Variants in MEGF11 observed in about 807,000 individuals in gnomAD.
MEGF11 encodes the protein multiple epidermal growth factor-like domains protein 11.
A neutral mutation model predicts 146.6 loss-of-function variants in MEGF11; 126 were observed. The ratio of observed to expected loss-of-function variants is 0.86; its 90% confidence interval spans 0.74 to 1.00. MEGF11 has a LOEUF of 1.00. Ranked by LOEUF, MEGF11 falls within the 50% of genes least tolerant of loss-of-function variation. MEGF11 has a pLI of 0.00. For synonymous variants in MEGF11, 532 were observed against 583.4 expected (o/e 0.91, Z 1.27); for missense variants, 1,509 against 1,521.2 (o/e 0.99, Z 0.13).
chr15:66,117,505 C>T lies in MEGF11; in HGVS notation c.301+1581G>A, dbSNP rs1210952182. ...CTTCATTTTCCAAGAGCTTTGCCAC[C>T]GTTCACTAATGGAAATTAGAAAGGA... On this transcript the variant is annotated intron_variant, in intron 4 of 25. Coordinates refer to ENST00000395614, the MANE Select transcript of MEGF11 (RefSeq NM_001385028.1). Among the ~76,000 whole-genome samples, 7 of 152,260 alleles carry T rather than the reference C, an allele frequency of 4.6e-5. No individual in the cohort carries two copies. The East Asian group carries it at 5.8e-4, about 13-fold the overall frequency.
intron 10 of MEGF11, among the ~76,000 whole-genome samples, chr15:65,954,088 T>C (rs971173569): frequency 2.0e-5 from 3 of 152,044 alleles, no homozygotes; most frequent in South Asian, 2.1e-4. Context: ...ATCGTTCAGA[T>C]AGGGAAATGG....
intron 4 of MEGF11, among the ~76,000 whole-genome samples, chr15:66,109,394 C>T (rs536228549): frequency 6.6e-6 from 1 of 152,308 alleles, no homozygotes; most frequent in East Asian, 1.9e-4. Flanking sequence ...GCTCATGCTG[C>T]CCCTCTGCCA....
intron 7 of MEGF11, chr15:65,971,248 TCTG>T (rs989585163): frequency 6.5e-6 from 1 of 153,542 alleles, no homozygotes; most frequent in African/African-American, 2.4e-5. Flanking sequence ...TGCTTTGGTT[TCTG>T]CTTCCTGGGC....
chr15:65,924,203 C>T (rs2079279155), intron 13 of MEGF11, among the ~76,000 whole-genome samples: 1 of 151,876 alleles, frequency 6.6e-6, no homozygotes, highest in Non-Finnish European at 1.5e-5. Context: ...GGTGGAACCA[C>T]CGGAGAGGGG....
intron 19 of MEGF11, 144 bp from the exon 20 acceptor site, chr15:65,914,117 T>C (rs747557329): frequency 7.8e-6 from 5 of 639,894 alleles, no homozygotes; most frequent in Non-Finnish European, 1.4e-5. Context: ...CCTATGTGAC[T>C]ACCCCCAGCC....
At chr15:66,194,961 G>T (rs919295158) in intron 1 of MEGF11, among the ~76,000 whole-genome samples, 1 of 152,120 alleles carries the variant, frequency 6.6e-6, no homozygotes, top group Non-Finnish European at 1.5e-5. Context: ...GCTAAGCCTG[G>T]GTTAGCCTGC....
At position 66,075,083 on chromosome 15, in the gene MEGF11, C is replaced by T. The variant is rs186754978; in HGVS notation, c.394+19319G>A. Among the ~76,000 whole-genome samples, 6 of 152,334 alleles carry T rather than the reference C, an allele frequency of 3.9e-5. No homozygotes were observed. The East Asian group carries it at 1.2e-3, about 29-fold the overall frequency. On this transcript the variant is annotated intron_variant, in intron 5 of 25. Coordinates refer to ENST00000395614, the MANE Select transcript of MEGF11 (RefSeq NM_001385028.1). Reference sequence around the variant, plus strand: ...ATTGCAAATATCTTCTCCCAAACTACAGCTTGCCATTTTACTTTGTTTAGG... The same window carrying T: ...ATTGCAAATATCTTCTCCCAAACTATAGCTTGCCATTTTACTTTGTTTAGG...
At chr15:65,983,724 G>A (rs1173128116) in intron 5 of MEGF11, among the ~76,000 whole-genome samples, 2 of 152,164 alleles carry the variant, frequency 1.3e-5, no homozygotes, top group Non-Finnish European at 2.9e-5. Flanking sequence ...GCCGGTCACC[G>A]AGATTATCTG....
At chr15:65,930,001 G>T in intron 11 of MEGF11, 118 bp from the exon 12 acceptor site, 1 of 1,014,414 alleles carries the variant, frequency 9.9e-7, no homozygotes, top group Non-Finnish European at 1.4e-6. Flanking sequence ...CTGAGGGCTG[G>T]GTTAGAACAC....
intron 5 of MEGF11, among the ~76,000 whole-genome samples, chr15:66,073,261 T>C (rs1460895204): frequency 6.6e-6 from 1 of 152,204 alleles, no homozygotes; most frequent in African/African-American, 2.4e-5. Flanking sequence ...GTCTGGGATC[T>C]GAGCAGAATC....
chr15:66,232,012 A>G (rs1294132873), intron 1 of MEGF11, among the ~76,000 whole-genome samples: 1 of 152,224 alleles, frequency 6.6e-6, no homozygotes, highest in Non-Finnish European at 1.5e-5. Flanking sequence ...GGTACACAGA[A>G]GCTAAAGGAT....
intron 5 of MEGF11, among the ~76,000 whole-genome samples, chr15:66,059,004 C>T (rs17819179): frequency 0.013 from 1,993 of 152,278 alleles, 20 homozygotes; most frequent in Non-Finnish European, 0.02. Context: ...AAGGGTTGAT[C>T]CTTCCCCTGC....
chr15:66,059,089 C>G (rs1406639991), intron 5 of MEGF11, among the ~76,000 whole-genome samples: 4 of 152,164 alleles, frequency 2.6e-5, no homozygotes, highest in African/African-American at 7.2e-5. Context: ...GAACATCCCC[C>G]CTAGTTACCC....
chr15:65,903,946 G>A (rs2078556893), intron 24 of MEGF11, among the ~76,000 whole-genome samples: 1 of 152,156 alleles, frequency 6.6e-6, no homozygotes, highest in South Asian at 2.1e-4. Flanking sequence ...GATGATTGTA[G>A]CCAGAGTGGT....
intron 1 of MEGF11, among the ~76,000 whole-genome samples, chr15:66,237,084 CGTCACACTAGTTATGT>C (rs2092110473): frequency 1.3e-5 from 2 of 152,314 alleles, no homozygotes; most frequent in East Asian, 3.9e-4. Context: ...CATCACACCT[CGTCACACTAGTTATGT>C]GTCTGTCCAT....
Position 65,930,891 on chromosome 15 carries a change from G to A in MEGF11, c.1340C>T (p.Ser447Leu), listed in dbSNP as rs769353714. ...ACCATTGTTACAGCTACAGATGGAC[G>A]AGCAGTTGGGGCCATAGGTCCCTGC... is the stretch of plus-strand genomic sequence containing the variant. The part of the protein sequence containing the change: ...CAAGTYGPNC[S>L]SICSCNNGGT... The change falls in exon 11 of 26, where the codon TCG (serine) becomes TTG (leucine). Residue 447 changes from serine to leucine, a missense_variant. Transcript: ENST00000395614. The A allele has an allele frequency of 4.3e-6, 7 of 1,611,278 alleles. No individual in the cohort carries two copies. The highest frequency in any genetic ancestry group is 1.7e-5 in the Admixed American group (1 of 59,682).
intron 5 of MEGF11, among the ~76,000 whole-genome samples, chr15:66,003,569 G>T (rs1281042988): frequency 6.6e-6 from 1 of 152,098 alleles, no homozygotes; most frequent in Non-Finnish European, 1.5e-5. Flanking sequence ...GGTGGCCACA[G>T]ACTGTTGTAA....
intron 5 of MEGF11, among the ~76,000 whole-genome samples, chr15:65,994,651 G>A (rs529414566): frequency 9.2e-5 from 14 of 152,290 alleles, no homozygotes; most frequent in South Asian, 2.1e-4. Context: ...GAAGGGGGCC[G>A]TGGGCCAGGG....
Position 65,898,853 on chromosome 15 carries a change from G to A in MEGF11, c.3137C>T (p.Pro1046Leu). 6.2e-7 allele frequency: 1 copy of A among 1,613,960 alleles called. No individual in the cohort carries two copies. Among genetic ancestry groups the A allele is most frequent in the Non-Finnish European group, 8.5e-7 (1 of 1,179,844 alleles). The part of the protein sequence containing the change: ...SENPYATIKD[P>L]PILTCKLPES... ...TGGAAGCTTGCAGGTGAGGATGGGTGGGTCCTTAATTGTGGCGTAAGGGTT... is the reference window on the plus strand; with the variant it reads ...TGGAAGCTTGCAGGTGAGGATGGGTAGGTCCTTAATTGTGGCGTAAGGGTT... The change falls in exon 25 of 26, where the codon CCA (proline) becomes CTA (leucine). Residue 1046 changes from proline (P) to leucine (L), a missense_variant. Coordinates refer to ENST00000395614, the MANE Select transcript of MEGF11 (RefSeq NM_001385028.1).
Sources: gnomAD v4.1 joint callset for allele counts (sites outside exome capture counted in the v4.1 genomes callset) on GRCh38, gnomAD v4.1.1 for gene constraint, MANE v1.5 for transcripts, NCBI Gene and HGNC (gene_info 2026-07-23, HGNC 2026-07-21) for gene names.